Variants in SEL1L3 observed in about 807,000 individuals in gnomAD.
SEL1L3 encodes protein sel-1 homolog 3.
A neutral mutation model predicts 142.8 loss-of-function variants in SEL1L3; 76 were observed. The ratio of observed to expected loss-of-function variants is 0.53; its 90% CI spans 0.44 to 0.64. The LOEUF is 0.64. Ranked by LOEUF, SEL1L3 falls within the 30% of genes least tolerant of loss-of-function variation. The pLI is 0.00. For synonymous variants in SEL1L3, 504 were observed against 519.6 expected (o/e 0.97, Z 0.41); for missense variants, 1,262 against 1,381.7 (o/e 0.91, Z 1.37).
chr4:25,767,641 A>C (rs1718843635), intron 18 of SEL1L3, 32 bp from the exon 19 acceptor site: 1 of 1,530,504 alleles, frequency 6.5e-7, no homozygotes, highest in South Asian at 1.2e-5. Flanking sequence ...AAGTTAATTC[A>C]TTAATATTTC....
intron 16 of SEL1L3, among the ~76,000 whole-genome samples, chr4:25,778,417 GA>G (rs1471022705): frequency 6.6e-6 from 1 of 152,076 alleles, no homozygotes; most frequent in African/African-American, 2.4e-5. Flanking sequence ...CATAGAAAAT[GA>G]TAAGTATACA....
chr4:25,752,718 T>C (rs546304001), intron 23 of SEL1L3, among the ~76,000 whole-genome samples: 1 of 152,284 alleles, frequency 6.6e-6, no homozygotes, highest in East Asian at 1.9e-4. Context: ...CCTCCCAGCT[T>C]CAGGTGATTC....
intron 1 of SEL1L3, among the ~76,000 whole-genome samples, chr4:25,856,593 T>TAAAAAAAAAAAAAAAAA (rs397765802): frequency 8.5e-6 from 1 of 117,116 alleles, no homozygotes. Flanking sequence ...GTATTGTAAT[T>TAAAAAAAAAAAAAAAAA]AAAAAAAAAA....
At chr4:25,854,385 C>G (rs1717103277) in intron 1 of SEL1L3, among the ~76,000 whole-genome samples, 1 of 152,192 alleles carries the variant, frequency 6.6e-6, no homozygotes, top group Admixed American at 6.5e-5. Flanking sequence ...TCAAGTGATT[C>G]TCGTGCCTCA....
intron 13 of SEL1L3, among the ~76,000 whole-genome samples, chr4:25,784,733 G>A (rs1320745153): frequency 6.6e-6 from 1 of 152,228 alleles, no homozygotes; most frequent in Non-Finnish European, 1.5e-5. Context: ...CTCCAGGGTG[G>A]AACATTGTTG....
At position 25,809,436 on chromosome 4, in the gene SEL1L3, C is replaced by T. The variant is rs10024001; in HGVS notation, c.1565-4684G>A. 6.3e-3 allele frequency among the ~76,000 whole-genome samples: 956 copies of T among 152,100 alleles called. 12 individuals carry two copies. The highest frequency in any genetic ancestry group is 0.022 in the African/African-American group (910 of 41,480). On this transcript the variant is annotated intron_variant, in intron 9 of 23. Transcript: ENST00000399878. ...CTGGGATTACAGGCTTGAGCCACGG[C>T]GCCCAGCCTATTTTATTTTATTTTT...
intron 1 of SEL1L3, 25 bp downstream of exon 1, chr4:25,862,650 G>A (rs1717806373): frequency 1.6e-6 from 2 of 1,226,332 alleles, no homozygotes; most frequent in African/African-American, 1.6e-5. Context: ...CGGAGGGGAA[G>A]ACCCGGGCAG....
chr4:25,835,030 G>A (rs1715708526), intron 3 of SEL1L3, among the ~76,000 whole-genome samples, 167 bp downstream of exon 3: 1 of 149,118 alleles, frequency 6.7e-6, no homozygotes, highest in Non-Finnish European at 1.5e-5. Context: ...ACTCATTTGA[G>A]GTTTTCAGGT....
At chr4:25,750,263 A>T (rs1233978203) in intron 23 of SEL1L3, among the ~76,000 whole-genome samples, 4 of 151,810 alleles carry the variant, frequency 2.6e-5, no homozygotes, top group Non-Finnish European at 4.4e-5. Flanking sequence ...AAAGAAAGAA[A>T]AAAGAAACCC....
At chr4:25,756,173 C>T (rs1392102218) in intron 23 of SEL1L3, 1 of 985,292 alleles carries the variant, frequency 1.0e-6, no homozygotes, top group Non-Finnish European at 1.2e-6. Flanking sequence ...CATGTCCAGT[C>T]CTAATCTACC....
At chr4:25,797,026 G>A (rs942400335) in intron 11 of SEL1L3, among the ~76,000 whole-genome samples, 30 of 150,630 alleles carry the variant, frequency 2.0e-4, no homozygotes, top group Non-Finnish European at 3.7e-4. Flanking sequence ...GGAAAAGACA[G>A]GGGGAATAGA....
intron 13 of SEL1L3, among the ~76,000 whole-genome samples, chr4:25,785,217 C>T (rs879435099): frequency 1.2e-4 from 18 of 152,154 alleles, no homozygotes; most frequent in African/African-American, 4.1e-4. Flanking sequence ...TCTATTTAAA[C>T]GCTTAGCTCT....
At chr4:25,816,268 A>G (rs1029673760) in intron 9 of SEL1L3, among the ~76,000 whole-genome samples, 1 of 151,946 alleles carries the variant, frequency 6.6e-6, no homozygotes, top group African/African-American at 2.4e-5. Context: ...ACTAGAAGAC[A>G]GATACTATTA....
chr4:25,794,669 A>T lies in SEL1L3; in HGVS notation c.1957-4095T>A, dbSNP rs574346275. ...AAGACAGTGTGACGATTCCCCAAAG[A>T]CCTAGAACCAGAAATAACATTTGAC... On this transcript the variant is annotated intron_variant, in intron 11 of 23. Transcript: ENST00000399878. Among the ~76,000 whole-genome samples the T allele has an allele frequency of 9.2e-5, 14 of 152,306 alleles. No homozygotes were observed. In the East Asian group the frequency reaches 2.7e-3, roughly 29 times the overall value.
chr4:25,855,292 C>G (rs138369183), intron 1 of SEL1L3, among the ~76,000 whole-genome samples: 37 of 152,348 alleles, frequency 2.4e-4, no homozygotes, highest in Non-Finnish European at 4.4e-4. Context: ...ACGTGTCCAG[C>G]CTTCATAGGT....
At chr4:25,714,500 TTTTC>T in the SEL1L3 span, among the ~76,000 whole-genome samples, 3,357 of 108,876 alleles carry the variant, frequency 0.031, 56 homozygotes, top group African/African-American at 0.072. Flanking sequence ...CTTTCTTTCT[TTTTC>T]TTTCTTTCTT....
At chr4:25,730,529 G>T in the SEL1L3 span, among the ~76,000 whole-genome samples, 95 of 152,194 alleles carry the variant, frequency 6.2e-4, no homozygotes, top group Non-Finnish European at 1.3e-3. Context: ...TCCTCTGTAA[G>T]TAGATGTAAG....
intron 11 of SEL1L3, among the ~76,000 whole-genome samples, chr4:25,796,530 T>C (rs1018475566): frequency 2.6e-5 from 4 of 152,094 alleles, no homozygotes; most frequent in African/African-American, 7.2e-5. Context: ...CAGGTGCTCA[T>C]GCCTATAATC....
chr4:25,819,084 G>A (rs1354353774), intron 8 of SEL1L3, among the ~76,000 whole-genome samples: 3 of 152,288 alleles, frequency 2.0e-5, no homozygotes, highest in South Asian at 2.1e-4. Flanking sequence ...TCTTCCAGAA[G>A]GAACATATGT....
Sources: gnomAD v4.1 joint callset for allele counts (sites outside exome capture counted in the v4.1 genomes callset) on GRCh38, gnomAD v4.1.1 for gene constraint, MANE v1.5 for transcripts, NCBI Gene and HGNC (gene_info 2026-07-23, HGNC 2026-07-21) for gene names.